Variants in PLEKHA7 observed in about 807,000 individuals in gnomAD.
The protein encoded by PLEKHA7 is pleckstrin homology domain containing A7.
Under a neutral mutation model 170.0 loss-of-function variants are expected in PLEKHA7, and 104 were observed. The ratio of observed to expected loss-of-function variants is 0.61; its 90% CI spans 0.52 to 0.72. PLEKHA7 has a LOEUF of 0.72. PLEKHA7 is among the 30% of genes least tolerant of loss of function. PLEKHA7 has a pLI of 0.00. For missense variants in PLEKHA7, 1,615 were observed against 1,671.7 expected (o/e 0.97, Z 0.59); for synonymous variants, 648 against 660.8 (o/e 0.98, Z 0.30).
chr11:16,819,254 C>T lies in PLEKHA7; in HGVS notation c.1344-1932G>A, dbSNP rs60676828. Among the ~76,000 whole-genome samples the T allele has an allele frequency of 1.4e-3, 206 of 152,242 alleles. 5 individuals are homozygous for T. The East Asian group carries it at 0.037, about 27-fold the overall frequency. Reference sequence around the variant, plus strand: ...CTGGGACTATAGGTGTGCACCACCACGCCTGGCTAATTTTTGTATTTTTAG... The same window carrying T: ...CTGGGACTATAGGTGTGCACCACCATGCCTGGCTAATTTTTGTATTTTTAG... On this transcript the variant is annotated intron_variant, in intron 10 of 26. Coordinates refer to ENST00000531066, the MANE Select transcript of PLEKHA7 (RefSeq NM_001329630.2).
intron 3 of PLEKHA7, among the ~76,000 whole-genome samples, chr11:16,961,154 T>A (rs973104786): frequency 4.6e-5 from 7 of 152,140 alleles, no homozygotes; most frequent in Non-Finnish European, 7.4e-5. Context: ...TTTAGAAAAA[T>A]CGGGTCATTC....
rs539649139 is a variant in PLEKHA7 at position 16,786,247 on chromosome 11, G to C, written c.3498C>G (p.Asp1166Glu). The C allele has an allele frequency of 6.5e-7, 1 of 1,536,144 alleles. No homozygotes were observed. Among genetic ancestry groups the C allele is most frequent in the East Asian group, 2.4e-5 (1 of 40,910 alleles). The change falls in exon 24 of 27, where the codon GAC becomes GAG. Residue 1166 changes from aspartate to glutamate, a missense_variant. Coordinates refer to ENST00000531066, the MANE Select transcript of PLEKHA7 (RefSeq NM_001329630.2). ...TELDLEPQDY[D>E]LDISRELSKP... ...CCCTCACCTCTCTGCTGATGTCCAA[G>C]TCATAGTCTTGAGGCTCCAGGTCCA...
chr11:16,911,465 T>C (rs1215587661), intron 3 of PLEKHA7, among the ~76,000 whole-genome samples: 1 of 152,190 alleles, frequency 6.6e-6, no homozygotes, highest in Non-Finnish European at 1.5e-5. Context: ...CATCAAGTCG[T>C]GTGCATTAGC....
rs369543404 is a variant in PLEKHA7 at position 16,918,449 on chromosome 11, T to C, written c.222-47267A>G. The stretch of plus-strand genomic sequence containing the variant: ...GCAACTGAAGCAGCCCAAGCTGGGA[T>C]CTGAACCTTCACTCTCCAACCTATC... On this transcript the variant is annotated intron_variant, in intron 3 of 26. Transcript: ENST00000531066. 2.0e-5 allele frequency among the ~76,000 whole-genome samples: 3 copies of C among 152,174 alleles called. No homozygotes were observed. In the East Asian group the frequency reaches 5.8e-4, roughly 29 times the overall value.
At chr11:16,779,152 G>A in intron 26 of PLEKHA7, 132 bp from the exon 27 acceptor site, 1 of 681,296 alleles carries the variant, frequency 1.5e-6, no homozygotes, top group Non-Finnish European at 2.7e-6. Flanking sequence ...TGCGGCCGCT[G>A]CTGGGGGACC....
In PLEKHA7 at chr11:16,826,530, G is replaced by A. The variant is rs390974; in HGVS notation, c.933C>T (p.His311=). The stretch of plus-strand genomic sequence containing the variant: ...GTCCGGGTCCCACCCGGCCACATTC[G>A]TGACAGGACTCTGTGTGGTTGGCCT... ...VPQANHTESC[H]ECGRVGPGHT... Residue 311 remains histidine, a synonymous_variant, in exon 10 of 27, where the codon CAC becomes CAT. Coordinates refer to ENST00000531066, the MANE Select transcript of PLEKHA7 (RefSeq NM_001329630.2). 207,086 of 1,613,972 alleles carry A rather than the reference G, an allele frequency of 0.13. 14,983 individuals carry two copies. The highest frequency in any genetic ancestry group is 0.27 in the African/African-American group (20,401 of 74,956).
At chr11:16,965,692 T>C (rs1862328711) in intron 3 of PLEKHA7, among the ~76,000 whole-genome samples, 1 of 152,198 alleles carries the variant, frequency 6.6e-6, no homozygotes, top group Admixed American at 6.5e-5. Context: ...GAGATACCTG[T>C]GGGTGAGTAG....
rs568635336 is a variant in PLEKHA7 at position 16,780,241 on chromosome 11, C to T, written c.3794-1221G>A. On this transcript the variant is annotated intron_variant, in intron 26 of 26. Transcript: ENST00000531066. ...GGCCAAGAACTCACTTGAGACTGGACCAGATGCCAGCCTCCTGTTTCAGGG... is the reference window on the plus strand; with the variant it reads ...GGCCAAGAACTCACTTGAGACTGGATCAGATGCCAGCCTCCTGTTTCAGGG... Among the ~76,000 whole-genome samples, 45 of 152,320 alleles carry T rather than the reference C, an allele frequency of 3.0e-4. No individual in the cohort carries two copies. In the South Asian group the frequency reaches 6.4e-3, roughly 22 times the overall value.
rs1348407807 is a variant in PLEKHA7 at position 16,794,654 on chromosome 11, C to T, written c.2579G>A (p.Ser860Asn). Residue 860 changes from serine to asparagine, a missense_variant, in exon 19 of 27, where the codon AGC (serine) becomes AAC (asparagine). Ser to Asn is a conservative substitution (Grantham distance 46). Coordinates refer to ENST00000531066, the MANE Select transcript of PLEKHA7 (RefSeq NM_001329630.2). ...AGGACTGGGCTGTGGGGGCGGCTTG[C>T]TCTCAGAAGTTGAGAGTGAAGGCAC... is the stretch of plus-strand genomic sequence containing the variant. The part of the protein sequence containing the change: ...PPVPSLSTSE[S>N]KPPPQPSPPT... 3.1e-6 allele frequency: 5 copies of T among 1,614,004 alleles called. No homozygotes were observed. The highest frequency in any genetic ancestry group is 1.7e-5 in the Admixed American group (1 of 60,012).
At chr11:16,924,806 T>C (rs1859380648) in intron 3 of PLEKHA7, among the ~76,000 whole-genome samples, 1 of 152,326 alleles carries the variant, frequency 6.6e-6, no homozygotes, top group Admixed American at 6.5e-5. Flanking sequence ...CTCTCCAGCT[T>C]AGACACATTA....
intron 10 of PLEKHA7, among the ~76,000 whole-genome samples, chr11:16,822,376 C>G (rs1016046083): frequency 6.6e-6 from 1 of 151,958 alleles, no homozygotes; most frequent in East Asian, 1.9e-4. Flanking sequence ...CTAAGCCCAT[C>G]AAGCAGCTCA....
In PLEKHA7 at chr11:16,855,306, T is replaced by C. The variant is rs111291520; in HGVS notation, c.418-313A>G. Among the ~76,000 whole-genome samples, 641 of 152,308 alleles carry C rather than the reference T, an allele frequency of 4.2e-3. 1 individual carries two copies. Among genetic ancestry groups the C allele is most frequent in the African/African-American group, 0.014 (569 of 41,568 alleles). ...CATGGCTTTCTGGAGCAAAGCTAAT[T>C]TTTGGTCACAGCTTTTTGCCAATTT... is the stretch of plus-strand genomic sequence containing the variant. On this transcript the variant is annotated intron_variant, in intron 5 of 26. Coordinates refer to ENST00000531066, the MANE Select transcript of PLEKHA7 (RefSeq NM_001329630.2).
rs1350576393 is a variant in PLEKHA7, at chr11:16,860,399, C to T, written c.306-4485G>A. On this transcript the variant is annotated intron_variant, in intron 4 of 26. Coordinates refer to ENST00000531066, the MANE Select transcript of PLEKHA7 (RefSeq NM_001329630.2). ...TGGTTAATGGGAGGCTCTCAATCAA[C>T]GGTGTGAGCTGAAGTAGAATGAAGG... is the stretch of plus-strand genomic sequence containing the variant. Among the ~76,000 whole-genome samples the T allele has an allele frequency of 4.6e-5, 7 of 152,064 alleles. No homozygotes were observed. In the South Asian group the frequency reaches 8.3e-4, roughly 18 times the overall value.
intron 3 of PLEKHA7, among the ~76,000 whole-genome samples, chr11:16,872,772 C>T (rs900033023): frequency 4.6e-5 from 7 of 151,744 alleles, no homozygotes; most frequent in Non-Finnish European, 1.0e-4. Context: ...ACCAGGCTTA[C>T]CTCCCAAAGC....
At chr11:16,918,571 T>C (rs969987015) in intron 3 of PLEKHA7, among the ~76,000 whole-genome samples, 11 of 152,208 alleles carry the variant, frequency 7.2e-5, no homozygotes, top group Admixed American at 6.5e-4. Context: ...GCTGGTAAAA[T>C]GCCCAGCAAG....
At chr11:16,783,442 T>C (rs1403562444) in intron 25 of PLEKHA7, among the ~76,000 whole-genome samples, 1 of 152,354 alleles carries the variant, frequency 6.6e-6, no homozygotes, top group Admixed American at 6.5e-5. Context: ...CTAGGGTCAC[T>C]TGGGACACAG....
chr11:16,825,352 G>A (rs978468365), intron 10 of PLEKHA7, among the ~76,000 whole-genome samples: 2 of 152,230 alleles, frequency 1.3e-5, no homozygotes, highest in Admixed American at 6.5e-5. Context: ...TGGCGCATCC[G>A]CTGCAATCCC....
In PLEKHA7 at chr11:17,013,934, G is replaced by A. The variant is rs966719736; in HGVS notation, c.221+55C>T. The A allele has an allele frequency of 4.9e-6, 7 of 1,433,936 alleles. No individual in the cohort carries two copies. The African/African-American group carries it at 7.9e-5, about 16-fold the overall frequency. The allele number at this position is 1,433,936 out of a possible 1,614,324, so 88.8% of individuals were successfully genotyped here. On this transcript the variant is annotated intron_variant, in intron 3 of 26. Coordinates refer to ENST00000531066, the MANE Select transcript of PLEKHA7 (RefSeq NM_001329630.2). ...AGGGCGGGGCGCCCGGCGGGAACGGGGAGGGACCCCCCCCCCGCGGCACAG... is the reference window on the plus strand; with the variant it reads ...AGGGCGGGGCGCCCGGCGGGAACGGAGAGGGACCCCCCCCCCGCGGCACAG...
In PLEKHA7 at chr11:16,826,396, C is replaced by T. The variant is rs915846586; in HGVS notation, c.1067G>A (p.Arg356Gln). 18 of 1,614,132 alleles carry T rather than the reference C, an allele frequency of 1.1e-5. No homozygotes were observed. The highest frequency in any genetic ancestry group is 1.1e-4 in the East Asian group (5 of 44,896). Residue 356 changes from arginine (R) to glutamine (Q), a missense_variant, in exon 10 of 27, where the codon CGG (arginine) becomes CAG (glutamine). Arg to Gln is a conservative substitution (Grantham distance 43, BLOSUM62 1). Transcript: ENST00000531066. ...CGGAGACCTGGCCTTGCTCCGGTCC[C>T]GCTTGCCCTCCAGTGGGTCCCTCTG... Reference protein sequence around the residue: ...RSQRDPLEGKRDRSKARSPYS... With the variant: ...RSQRDPLEGKQDRSKARSPYS...
Sources: allele counts gnomAD v4.1 joint callset (sites outside exome capture counted in the v4.1 genomes callset), GRCh38; gene constraint gnomAD v4.1.1; transcripts MANE v1.5; gene names NCBI Gene and HGNC (gene_info 2026-07-23, HGNC 2026-07-21).